DLG1: variants seen among roughly 807,000 people sequenced by gnomAD.
DLG1 encodes the protein discs large MAGUK scaffold protein 1.
Under a neutral mutation model 123.4 loss-of-function variants are expected in DLG1, and 42 were observed. The observed-to-expected ratio is 0.34, with a 90% CI of 0.27 to 0.44. DLG1 has a LOEUF of 0.44. Ranked by LOEUF, DLG1 falls within the 20% of genes least tolerant of loss-of-function variation. DLG1 has a pLI of 1.00. For synonymous variants in DLG1, 317 were observed against 356.2 expected, an observed-to-expected ratio of 0.89 and a Z score of 1.24; for missense variants, 942 against 1,082.6, an observed-to-expected ratio of 0.87 and a Z score of 1.82.
chr3:197,178,706 AG>A (rs1808451195), intron 5 of DLG1, among the ~76,000 whole-genome samples: 1 of 152,174 alleles, frequency 6.6e-6, no homozygotes, highest in Admixed American at 6.6e-5. Context: ...ATATTAAAAG[AG>A]CAGTACTATC....
At chr3:197,112,265 C>T (rs1049696524) in intron 13 of DLG1, among the ~76,000 whole-genome samples, 130 of 152,238 alleles carry the variant, frequency 8.5e-4, no homozygotes, top group Non-Finnish European at 1.1e-3. Flanking sequence ...TAAGTTTTGG[C>T]AAATGTGAAT....
chr3:197,265,337 A>T (rs1047517306), intron 4 of DLG1, among the ~76,000 whole-genome samples: 2 of 152,202 alleles, frequency 1.3e-5, no homozygotes, highest in Non-Finnish European at 2.9e-5. Context: ...AATAAAAAAA[A>T]AGACTGACTT....
rs117959563 is a variant in DLG1 at position 197,290,435 on chromosome 3, G to A, written c.151+5911C>T. Among the ~76,000 whole-genome samples, 13 of 152,132 alleles carry A rather than the reference G, an allele frequency of 8.5e-5. No homozygotes were observed. The East Asian group carries it at 2.5e-3, about 29-fold the overall frequency. ...TAAGCCACAAGGGGTAAAAAACAATGACTATAGGATACAGAATTCAGACAA... is the reference window on the plus strand; with the variant it reads ...TAAGCCACAAGGGGTAAAAAACAATAACTATAGGATACAGAATTCAGACAA... On this transcript the variant is annotated intron_variant, in intron 3 of 24. Transcript: ENST00000667157.
intron 15 of DLG1, among the ~76,000 whole-genome samples, chr3:197,086,601 G>A (rs1754509312): frequency 6.6e-6 from 1 of 152,088 alleles, no homozygotes; most frequent in South Asian, 2.1e-4. Context: ...AGCTCTTCAA[G>A]TAAAACTCAA....
At chr3:197,149,914 T>C (rs1793048819) in intron 5 of DLG1, 118 bp from the exon 6 acceptor site, 1 of 638,896 alleles carries the variant, frequency 1.6e-6, no homozygotes, top group Non-Finnish European at 2.8e-6. Flanking sequence ...TTATATGAGC[T>C]TTTTATATGT....
rs973300609 is a variant in DLG1, at chr3:197,211,762, C to A, written c.319-17173G>T. Among the ~76,000 whole-genome samples the A allele has an allele frequency of 6.4e-4, 94 of 146,180 alleles. 3 individuals carry two copies. The highest frequency in any genetic ancestry group is 2.2e-3 in the African/African-American group (91 of 41,156). On this transcript the variant is annotated intron_variant, in intron 4 of 24. Transcript: ENST00000667157. ...CAGCAATCCCATTACTGGTTATATA[C>A]CTAGAGGAATATAAATCATTCTACC... is the stretch of plus-strand genomic sequence containing the variant.
Position 197,259,155 on chromosome 3 carries a change from T to C in DLG1, c.318+23524A>G, listed in dbSNP as rs1448001696. Among the ~76,000 whole-genome samples the C allele has an allele frequency of 4.6e-5, 7 of 152,114 alleles. No homozygotes were observed. The South Asian group carries it at 8.3e-4, about 18-fold the overall frequency. The stretch of plus-strand genomic sequence containing the variant: ...AGGGGAGAACCAACATAGACAACCA[T>C]GAAAAAAATTTAGAGAGGGAAAAAG... On this transcript the variant is annotated intron_variant, in intron 4 of 24. Transcript: ENST00000667157.
intron 4 of DLG1, among the ~76,000 whole-genome samples, chr3:197,197,932 C>A (rs1360291558): frequency 2.0e-5 from 3 of 151,906 alleles, no homozygotes; most frequent in Admixed American, 6.6e-5. Flanking sequence ...CAACTGCATG[C>A]AAAACAATGA....
chr3:197,238,293 C>T (rs917001255), intron 4 of DLG1, among the ~76,000 whole-genome samples: 2 of 152,098 alleles, frequency 1.3e-5, no homozygotes, highest in African/African-American at 4.8e-5. Context: ...TATAAAAAGA[C>T]AATCAGGAGA....
intron 3 of DLG1, among the ~76,000 whole-genome samples, chr3:197,286,273 G>A (rs1385181454): frequency 6.6e-6 from 1 of 152,154 alleles, no homozygotes; most frequent in African/African-American, 2.4e-5. Context: ...TTAGGGTGGT[G>A]AAAAACAACA....
intron 11 of DLG1, among the ~76,000 whole-genome samples, chr3:197,121,646 C>T (rs1019049958): frequency 6.6e-6 from 1 of 151,660 alleles, no homozygotes; most frequent in African/African-American, 2.4e-5. Flanking sequence ...AACATTGTGG[C>T]TCTTTATCTT....
At chr3:197,100,609 A>G (rs1762935859) in intron 14 of DLG1, among the ~76,000 whole-genome samples, 1 of 152,324 alleles carries the variant, frequency 6.6e-6, no homozygotes. Context: ...TTGAGGAACA[A>G]TAAGATTAAA....
chr3:197,147,575 A>G (rs1791552480), intron 6 of DLG1, among the ~76,000 whole-genome samples: 1 of 152,160 alleles, frequency 6.6e-6, no homozygotes, highest in Admixed American at 6.5e-5. Flanking sequence ...TCAGGAATGG[A>G]AAACCAAACA....
intron 15 of DLG1, among the ~76,000 whole-genome samples, chr3:197,090,374 A>C (rs1249602713): frequency 6.6e-6 from 1 of 151,926 alleles, no homozygotes; most frequent in Non-Finnish European, 1.5e-5. Context: ...CTATGTTGCC[A>C]CTTAACCTTT....
intron 5 of DLG1, among the ~76,000 whole-genome samples, chr3:197,160,805 C>T (rs1338520849): frequency 1.3e-5 from 2 of 151,980 alleles, no homozygotes; most frequent in Non-Finnish European, 2.9e-5. Context: ...ACACAGCAAA[C>T]ATATGTTTAC....
At chr3:197,166,630 C>T (rs1801551622) in intron 5 of DLG1, among the ~76,000 whole-genome samples, 2 of 152,160 alleles carry the variant, frequency 1.3e-5, no homozygotes, top group African/African-American at 4.8e-5. Flanking sequence ...AGGCTCATGC[C>T]TGTAATCCCA....
At chr3:197,183,049 TC>T (rs1316095501) in intron 5 of DLG1, among the ~76,000 whole-genome samples, 1 of 152,174 alleles carries the variant, frequency 6.6e-6, no homozygotes, top group Non-Finnish European at 1.5e-5. Flanking sequence ...ATTCATTAAA[TC>T]CCTTGAATAA....
At chr3:197,047,598 T>C (rs901747229) in intron 24 of DLG1, among the ~76,000 whole-genome samples, 1 of 152,024 alleles carries the variant, frequency 6.6e-6, no homozygotes, top group Non-Finnish European at 1.5e-5. Context: ...ACCTACTTTT[T>C]TTTTTTTTAA....
At chr3:197,086,387 T>C (rs1754367173) in intron 15 of DLG1, among the ~76,000 whole-genome samples, 1 of 152,222 alleles carries the variant, frequency 6.6e-6, no homozygotes, top group African/African-American at 2.4e-5. Flanking sequence ...AAGAAAATAT[T>C]GTGTGCTACC....
Sources: gnomAD v4.1 joint callset for allele counts (sites outside exome capture counted in the v4.1 genomes callset) on GRCh38, gnomAD v4.1.1 for gene constraint, MANE v1.5 for transcripts, NCBI Gene and HGNC (gene_info 2026-07-23, HGNC 2026-07-21) for gene names.